Variants in ZNF226 observed in about 807,000 individuals in gnomAD.
ZNF226 encodes zinc finger protein 226.
A neutral mutation model predicts 11.4 loss-of-function variants in ZNF226; 6 were observed. The observed-to-expected ratio is 0.53, with a 90% CI of 0.29 to 1.04. The LOEUF (loss-of-function observed/expected upper bound fraction) is 1.04, where lower values mean the gene tolerates loss of function less well. ZNF226 is among the 50% of genes least tolerant of loss of function. The pLI, the probability that ZNF226 is intolerant of heterozygous loss-of-function variation, is 0.08. For synonymous variants in ZNF226, 350 were observed against 322.8 expected (o/e 1.08, Z -0.90); for missense variants, 1,058 against 956.5 (o/e 1.11, Z -1.40).
chr19:44,182,260 T>C (rs1311776930), downstream of ZNF226, among the ~76,000 whole-genome samples: 1 of 152,232 alleles, frequency 6.6e-6, no homozygotes, highest in Non-Finnish European at 1.5e-5. Flanking sequence ...ATAGCTCTGT[T>C]AGGGGATGCT....
At chr19:44,189,446 AG>A in the ZNF226 span, among the ~76,000 whole-genome samples, 1 of 152,218 alleles carries the variant, frequency 6.6e-6, no homozygotes, top group Non-Finnish European at 1.5e-5. Flanking sequence ...ATGTAGTCCT[AG>A]CAATAGCATA....
chr19:44,190,169 T>G, the ZNF226 span, among the ~76,000 whole-genome samples: 2 of 152,222 alleles, frequency 1.3e-5, no homozygotes, highest in African/African-American at 2.4e-5. Flanking sequence ...ATAATTACAG[T>G]AAGACTGATT....
At chr19:44,184,821 GT>G in the ZNF226 span, among the ~76,000 whole-genome samples, 6 of 152,124 alleles carry the variant, frequency 3.9e-5, no homozygotes, top group African/African-American at 1.4e-4. Flanking sequence ...ACATTTTTAA[GT>G]GTACAATTCA....
chr19:44,197,331 C>T, the ZNF226 span, among the ~76,000 whole-genome samples: 1 of 152,226 alleles, frequency 6.6e-6, no homozygotes. Context: ...AATTTACACT[C>T]TTACAAGGAC....
chr19:44,169,166 G>C (rs1969781883), intron 2 of ZNF226, among the ~76,000 whole-genome samples: 1 of 151,832 alleles, frequency 6.6e-6, no homozygotes, highest in African/African-American at 2.4e-5. Context: ...CTGCCACCAT[G>C]TCCAGCTAAT....
chr19:44,172,752 T>G, intron 4 of ZNF226, 108 bp from the exon 5 acceptor site: 1 of 854,602 alleles, frequency 1.2e-6, no homozygotes, highest in Non-Finnish European at 1.8e-6. Context: ...AATAAAAGTT[T>G]GAAAAACACT....
intron 5 of ZNF226, chr19:44,175,199 T>C (rs1599733751): frequency 4.9e-6 from 7 of 1,422,564 alleles, no homozygotes; most frequent in Admixed American, 3.3e-5. Context: ...TTTTTCCTTA[T>C]TGATACCATA....
the ZNF226 span, among the ~76,000 whole-genome samples, chr19:44,185,268 G>A: frequency 6.6e-6 from 1 of 152,138 alleles, no homozygotes; most frequent in Non-Finnish European, 1.5e-5. Context: ...TATATACCCG[G>A]AAGTGGGATT....
intron 5 of ZNF226, chr19:44,174,198 C>G (rs1970446829): frequency 6.6e-6 from 1 of 151,950 alleles, no homozygotes; most frequent in Non-Finnish European, 1.5e-5. Flanking sequence ...TACAAGTTGA[C>G]CCATATCTTG....
downstream of ZNF226, among the ~76,000 whole-genome samples, chr19:44,183,374 T>A (rs762396064): frequency 1.4e-4 from 22 of 152,190 alleles, no homozygotes; most frequent in Non-Finnish European, 2.9e-4. Context: ...CCAGCTGCAT[T>A]CAATAGCTGA....
At chr19:44,181,565 G>T (rs1448602835), downstream of ZNF226, among the ~76,000 whole-genome samples, 2 of 152,116 alleles carry the variant, frequency 1.3e-5, no homozygotes, top group African/African-American at 2.4e-5. Context: ...AAAATCAGCG[G>T]CTGAATGACA....
intron 3 of ZNF226, among the ~76,000 whole-genome samples, chr19:44,171,681 G>A (rs546146231): frequency 1.5e-3 from 221 of 152,322 alleles, no homozygotes; most frequent in African/African-American, 5.1e-3. Flanking sequence ...GGAGGACAGA[G>A]AGAGTCCTTC....
chr19:44,184,579 T>TA, the ZNF226 span, among the ~76,000 whole-genome samples: 65,795 of 143,802 alleles, frequency 0.46, 15,792 homozygotes, highest in South Asian at 0.65. Flanking sequence ...GAGACTCCAT[T>TA]AAAAAAAAAA....
rs1440391568 is a variant in ZNF226, at chr19:44,177,335, G to A, written c.2073G>A (p.Arg691=). ...GCTTGAACCTTGACATGCATCAGAG[G>A]GTGCACACAGGAGAAAAACCATATA... ...KWSLNLDMHQ[R]VHTGEKPYKC... is the part of the protein sequence containing the mutation. The change falls in exon 6 of 6, where the codon AGG becomes AGA. Residue 691 remains arginine (R), a synonymous_variant. Transcript: ENST00000337433. 1 of 1,613,830 alleles carries A rather than the reference G, an allele frequency of 6.2e-7. No homozygotes were observed. Among genetic ancestry groups the A allele is most frequent in the East Asian group, 2.2e-5 (1 of 44,876 alleles).
intron 2 of ZNF226, chr19:44,169,770 C>T: frequency 3.4e-6 from 1 of 295,594 alleles, no homozygotes; most frequent in Non-Finnish European, 6.3e-6. Context: ...TATATTGTCT[C>T]AATTTACGCT....
chr19:44,188,994 C>T, the ZNF226 span, among the ~76,000 whole-genome samples: 3 of 152,166 alleles, frequency 2.0e-5, no homozygotes, highest in South Asian at 4.1e-4. Flanking sequence ...CAGCCAGTTG[C>T]TGGGTAGATG....
chr19:44,175,387 G>A (rs1970581183), intron 5 of ZNF226, 111 bp from the exon 6 acceptor site: 1 of 1,442,578 alleles, frequency 6.9e-7, no homozygotes, highest in Non-Finnish European at 9.1e-7. Context: ...CACAAAAGAT[G>A]AGCAGAACTA....
intron 3 of ZNF226, among the ~76,000 whole-genome samples, chr19:44,170,771 G>A (rs549792474): frequency 5.3e-5 from 8 of 151,998 alleles, no homozygotes; most frequent in Non-Finnish European, 1.0e-4. Flanking sequence ...AAATTAGCCA[G>A]GTATGGCGGT....
the ZNF226 span, among the ~76,000 whole-genome samples, chr19:44,185,033 AT>A: frequency 6.6e-6 from 1 of 152,010 alleles, no homozygotes; most frequent in Non-Finnish European, 1.5e-5. Context: ...CCCTTTTGTG[AT>A]TTGCTTATTT....
Sources: gnomAD v4.1 joint callset for allele counts (sites outside exome capture counted in the v4.1 genomes callset) on GRCh38, gnomAD v4.1.1 for gene constraint, MANE v1.5 for transcripts, NCBI Gene and HGNC (gene_info 2026-07-23, HGNC 2026-07-21) for gene names.